TACR1: variants seen among roughly 807,000 people sequenced by gnomAD.
The protein encoded by TACR1 is tachykinin receptor 1, also known as substance-P receptor.
A neutral mutation model predicts 35.8 loss-of-function variants in TACR1; 25 were observed. The ratio of observed to expected loss-of-function variants is 0.70; its 90% CI spans 0.51 to 0.98. The LOEUF (loss-of-function observed/expected upper bound fraction) is 0.98. Ranked by LOEUF, TACR1 falls within the 50% of genes least tolerant of loss-of-function variation. The probability of loss-of-function intolerance (pLI) is 0.00; values close to 1 mark genes in which losing one functional copy is unlikely to be tolerated. For synonymous variants in TACR1, 195 were observed against 206.7 expected (o/e 0.94, Z 0.48); for missense variants, 478 against 522.9 (o/e 0.91, Z 0.84).
intron 2 of TACR1, among the ~76,000 whole-genome samples, chr2:75,110,683 G>A (rs1040415154): frequency 6.6e-6 from 1 of 151,882 alleles, no homozygotes; most frequent in South Asian, 2.1e-4. Flanking sequence ...TAATGTGCTT[G>A]TATAATGCCA....
At chr2:75,111,612 A>G (rs995254367) in intron 2 of TACR1, among the ~76,000 whole-genome samples, 4 of 152,046 alleles carry the variant, frequency 2.6e-5, no homozygotes, top group African/African-American at 7.2e-5. Flanking sequence ...CTCCATATAA[A>G]GAATACTATG....
intron 2 of TACR1, among the ~76,000 whole-genome samples, chr2:75,105,185 A>G (rs915153379): frequency 1.1e-4 from 17 of 152,260 alleles, no homozygotes; most frequent in African/African-American, 3.6e-4. Context: ...AATATACACA[A>G]TGGAATATGA....
Position 75,049,436 on chromosome 2 carries a change from G to C in TACR1, c.1220C>G (p.Ser407Cys). ...ESFSFSSNVL[S>C] The stretch of plus-strand genomic sequence containing the variant: ...ACCTGCCAAAGGCCCTGTGGCCTAG[G>C]AGAGCACATTGGAGGAGAAGCTGAA... Residue 407 changes from serine (S) to cysteine (C), a missense_variant, in exon 5 of 5, where the codon TCC (serine) becomes TGC (cysteine). Transcript: ENST00000305249. 1 of 1,612,298 alleles carries C rather than the reference G, an allele frequency of 6.2e-7. No individual in the cohort carries two copies. The highest frequency in any genetic ancestry group is 8.5e-7 in the Non-Finnish European group (1 of 1,178,478).
At chr2:75,192,825 TG>T (rs1255186377) in intron 1 of TACR1, among the ~76,000 whole-genome samples, 1 of 152,204 alleles carries the variant, frequency 6.6e-6, no homozygotes, top group Non-Finnish European at 1.5e-5. Context: ...GACAATGGAC[TG>T]GAGGGAACAT....
intron 1 of TACR1, among the ~76,000 whole-genome samples, chr2:75,196,692 C>A (rs1676003060): frequency 6.6e-6 from 1 of 152,192 alleles, no homozygotes; most frequent in Admixed American, 6.5e-5. Context: ...GAGGAAAGAT[C>A]AGGGCTGCAG....
At chr2:75,109,872 G>A (rs374505971) in intron 2 of TACR1, among the ~76,000 whole-genome samples, 10 of 152,088 alleles carry the variant, frequency 6.6e-5, no homozygotes, top group Non-Finnish European at 1.3e-4. Context: ...TAAGGGACAC[G>A]GAAAGTACAC....
At chr2:75,134,065 C>T (rs550160229) in intron 1 of TACR1, among the ~76,000 whole-genome samples, 16 of 152,268 alleles carry the variant, frequency 1.1e-4, no homozygotes, top group Middle Eastern at 3.4e-3. Flanking sequence ...TTACCCTGCA[C>T]GGTCTAAAAA....
intron 1 of TACR1, among the ~76,000 whole-genome samples, chr2:75,177,406 C>T (rs1179609472): frequency 2.6e-5 from 4 of 152,170 alleles, no homozygotes; most frequent in Admixed American, 6.5e-5. Context: ...CTCCACTTGC[C>T]TCTAGCCTTC....
At chr2:75,152,567 T>A (rs559899074) in intron 1 of TACR1, among the ~76,000 whole-genome samples, 8 of 152,340 alleles carry the variant, frequency 5.3e-5, no homozygotes, top group African/African-American at 1.9e-4. Context: ...CAGTTATGTC[T>A]TTATCAGAAG....
At chr2:75,062,814 G>A (rs938673664) in intron 2 of TACR1, among the ~76,000 whole-genome samples, 3 of 152,184 alleles carry the variant, frequency 2.0e-5, no homozygotes, top group African/African-American at 7.2e-5. Context: ...CATAGTTTTT[G>A]CCAACATGAT....
intron 1 of TACR1, among the ~76,000 whole-genome samples, chr2:75,151,733 C>T (rs191869161): frequency 2.6e-5 from 4 of 152,230 alleles, no homozygotes; most frequent in Admixed American, 2.6e-4. Context: ...CCTCCAGACC[C>T]CAGAATAGCA....
intron 2 of TACR1, among the ~76,000 whole-genome samples, chr2:75,091,082 G>A (rs943853809): frequency 6.6e-6 from 1 of 150,934 alleles, no homozygotes; most frequent in Non-Finnish European, 1.5e-5. Context: ...TTCTTGGCTC[G>A]GTTTGCATCA....
intron 1 of TACR1, among the ~76,000 whole-genome samples, chr2:75,128,313 A>C (rs1008369094): frequency 6.6e-6 from 1 of 152,246 alleles, no homozygotes; most frequent in African/African-American, 2.4e-5. Flanking sequence ...GCACTAAGCC[A>C]GGATTGATAA....
chr2:75,195,571 A>G (rs1329277020), intron 1 of TACR1, among the ~76,000 whole-genome samples: 1 of 152,232 alleles, frequency 6.6e-6, no homozygotes, highest in African/African-American at 2.4e-5. Context: ...TGACTCAACA[A>G]TTCCTTTAAA....
intron 1 of TACR1, among the ~76,000 whole-genome samples, chr2:75,151,868 TG>T (rs140663921): frequency 0.075 from 11,355 of 152,226 alleles, 878 homozygotes; most frequent in African/African-American, 0.2. Context: ...CCCAAGACCA[TG>T]GGAACCTACC....
intron 1 of TACR1, among the ~76,000 whole-genome samples, chr2:75,141,999 C>G (rs11894775): frequency 1.3e-5 from 2 of 152,118 alleles, no homozygotes; most frequent in Non-Finnish European, 2.9e-5. Context: ...TTGCACTCTA[C>G]TTGATCTTTC....
In TACR1 at chr2:75,083,826, G is replaced by A. The variant is rs1431676620; in HGVS notation, c.585-30071C>T. On this transcript the variant is annotated intron_variant, in intron 2 of 4. Coordinates refer to ENST00000305249, the MANE Select transcript of TACR1 (RefSeq NM_001058.4). The stretch of plus-strand genomic sequence containing the variant: ...GCTTATCAGCTTAAGGAGATTTTGG[G>A]CTGAGACCATGGGGTTTTCTAGATA... Among the ~76,000 whole-genome samples the A allele has an allele frequency of 1.2e-4, 19 of 152,286 alleles. 1 individual carries two copies. In the South Asian group the frequency reaches 3.9e-3, roughly 32 times the overall value.
chr2:75,056,068 T>C (rs1257069175), intron 2 of TACR1, among the ~76,000 whole-genome samples: 2 of 152,216 alleles, frequency 1.3e-5, no homozygotes, highest in African/African-American at 2.4e-5. Flanking sequence ...TCCCCCAAGT[T>C]ACTGTAATAG....
intron 2 of TACR1, among the ~76,000 whole-genome samples, chr2:75,099,172 T>A (rs1223911017): frequency 6.6e-6 from 1 of 152,156 alleles, no homozygotes; most frequent in Non-Finnish European, 1.5e-5. Flanking sequence ...TCCCAGCCTC[T>A]GTCTCACCCC....
Sources: allele counts gnomAD v4.1 joint callset (sites outside exome capture counted in the v4.1 genomes callset), GRCh38; gene constraint gnomAD v4.1.1; transcripts MANE v1.5; gene names NCBI Gene and HGNC (gene_info 2026-07-23, HGNC 2026-07-21).